Variants in PACS2 observed in about 807,000 individuals in gnomAD.
PACS2 encodes the protein PACS1-like protein.
A neutral mutation model predicts 113.0 loss-of-function variants in PACS2; 36 were observed. The ratio of observed to expected loss-of-function variants is 0.32; its 90% confidence interval spans 0.24 to 0.42. PACS2 has a LOEUF of 0.42. Among genes scored for constraint, PACS2 ranks in the 10% least tolerant of loss-of-function variants. The probability of loss-of-function intolerance (pLI) is 1.00; values close to 1 mark genes in which losing one functional copy is unlikely to be tolerated. For synonymous variants in PACS2, 589 were observed against 536.1 expected (o/e 1.10, Z -1.36); for missense variants, 1,015 against 1,239.5 (o/e 0.82, Z 2.72).
At chr14:105,353,416 A>G (rs1271478541) in intron 3 of PACS2, among the ~76,000 whole-genome samples, 25 of 119,810 alleles carry the variant, frequency 2.1e-4, no homozygotes, top group African/African-American at 8.2e-4. Context: ...GCCCCCCCTC[A>G]TCACTGTCCC....
chr14:105,380,887 A>C, intron 11 of PACS2, 70 bp from the exon 12 acceptor site: 1 of 1,471,340 alleles, frequency 6.8e-7, no homozygotes, highest in South Asian at 1.4e-5. Context: ...GCCAGAGGCC[A>C]CAGGGCTGGA....
Position 105,357,786 on chromosome 14 carries a change from G to A in PACS2, c.423+2609G>A, listed in dbSNP as rs1192560016. ...GGCTCCGAGACTGCACGCCTGAGAC[G>A]GGGGTGAGGGCATGGGTGCTGCCAT... On this transcript the variant is annotated intron_variant, in intron 4 of 24. Transcript: ENST00000447393. This position sits in a 1 kb window ranked among gnomAD's most constrained non-coding sequence, Gnocchi z 5.1. Among the ~76,000 whole-genome samples the A allele has an allele frequency of 3.9e-5, 6 of 152,320 alleles. No individual in the cohort carries two copies. The highest frequency in any genetic ancestry group is 4.2e-4 in the South Asian group (2 of 4,818).
chr14:105,368,041 C>A, intron 5 of PACS2, 33 bp from the exon 6 acceptor site: 1 of 1,469,302 alleles, frequency 6.8e-7, no homozygotes, highest in Non-Finnish European at 9.5e-7. Flanking sequence ...TGGAATCTCA[C>A]GGCACCCTCC....
In PACS2 at chr14:105,394,881, C is replaced by T; in HGVS notation, c.*209C>T. ...TCTGCTTATTAACCCGAACGTTCGG[C>T]CCGGGGCTGGGAAGCCAGAAGGACG... On this transcript the variant is annotated 3_prime_UTR_variant, in exon 25 of 25. Transcript: ENST00000447393. The T allele has an allele frequency of 1.8e-6, 1 of 545,654 alleles. No homozygotes were observed. Among genetic ancestry groups the T allele is most frequent in the Non-Finnish European group, 3.3e-6 (1 of 301,196 alleles). 33.8% of individuals were successfully genotyped at this position (545,654 alleles called of 1,614,324 possible).
At position 105,393,331 on chromosome 14, in the gene PACS2, G is replaced by A. The variant is rs1566974060; in HGVS notation, c.2592G>A (p.Leu864=). 1 of 1,606,918 alleles carries A rather than the reference G, an allele frequency of 6.2e-7. No homozygotes were observed. The highest frequency in any genetic ancestry group is 1.3e-5 in the African/African-American group (1 of 74,874). The change falls in exon 24 of 25, where the codon CTG becomes CTA. Residue 864 remains leucine (L), a synonymous_variant. Transcript: ENST00000447393. ...CTGCCAGGCAGCAGCAGAACATGCT[G>A]CGGGGTGAGCACCACCGGCCCCGGG... ...ICTARQQQNM[L]RVLIDGVECS... is the part of the protein sequence containing the mutation.
chr14:105,393,938 T>G (rs2081452580), intron 24 of PACS2, among the ~76,000 whole-genome samples: 2 of 148,576 alleles, frequency 1.3e-5, no homozygotes, highest in South Asian at 4.2e-4. Flanking sequence ...GCGCAGAGGC[T>G]GAGGCAGGAG....
rs960743889 is a variant in PACS2 at position 105,354,934 on chromosome 14, T to C, written c.298-118T>C. The stretch of plus-strand genomic sequence containing the variant: ...GGCCCGTCTGTGGGTGCCCTTCCGA[T>C]CTCATGGGCAGCAGGTTGGCCTGGT... On this transcript the variant is annotated intron_variant, in intron 3 of 24. Transcript: ENST00000447393. This position sits in a 1 kb window ranked among gnomAD's most constrained non-coding sequence, Gnocchi z 4.2. 1.5e-5 allele frequency: 15 copies of C among 993,100 alleles called. No individual in the cohort carries two copies. In the African/African-American group the frequency reaches 1.9e-4, roughly 13 times the overall value. 61.5% of individuals were successfully genotyped at this position (993,100 alleles called of 1,614,324 possible). A position where few individuals can be genotyped will look rare whatever the true frequency, so the allele number is the denominator to read the frequency against.
intron 8 of PACS2, chr14:105,371,987 T>A (rs1303674388): frequency 6.6e-6 from 1 of 152,198 alleles, no homozygotes; most frequent in Non-Finnish European, 1.5e-5. Context: ...CGGGCAGAGC[T>A]CTCGGGCCCT....
At position 105,365,398 on chromosome 14, in the gene PACS2, G is replaced by T. The variant is rs139095151; in HGVS notation, c.424-1815G>T. On this transcript the variant is annotated intron_variant, in intron 4 of 24. Transcript: ENST00000447393. The surrounding 1 kb of genome is among the most constrained non-coding windows in gnomAD (Gnocchi z 5.1). ...ATATCAAAATAGTGTTCACATATAG[G>T]TCGACCACAGGCTGAGTGGAGCGGG... 4.9e-4 allele frequency among the ~76,000 whole-genome samples: 75 copies of T among 152,246 alleles called. 1 individual carries two copies. The East Asian group carries it at 0.014, about 29-fold the overall frequency.
chr14:105,333,727 T>C (rs1386255964), intron 1 of PACS2, among the ~76,000 whole-genome samples: 1 of 152,144 alleles, frequency 6.6e-6, no homozygotes, highest in African/African-American at 2.4e-5. Context: ...AGCCCAAAGG[T>C]CCACACAGAC....
At position 105,368,547 on chromosome 14, in the gene PACS2, G is replaced by A; in HGVS notation, c.741+8G>A. On this transcript the variant is annotated splice_region_variant and intron_variant, in intron 7 of 24. Coordinates refer to ENST00000447393, the MANE Select transcript of PACS2 (RefSeq NM_001100913.3). Reference sequence around the variant, plus strand: ...ACGACGTCCATGACCAGGGTTGGTGGAGACTGCTTCTATGAATGCTGGGGA... The same window carrying A: ...ACGACGTCCATGACCAGGGTTGGTGAAGACTGCTTCTATGAATGCTGGGGA... 2 of 1,609,338 alleles carry A rather than the reference G, an allele frequency of 1.2e-6. No individual in the cohort carries two copies. The highest frequency in any genetic ancestry group is 1.7e-6 in the Non-Finnish European group (2 of 1,175,716).
In PACS2 at chr14:105,355,574, G is replaced by C. The variant is rs1268465005; in HGVS notation, c.423+397G>C. 6.6e-6 allele frequency among the ~76,000 whole-genome samples: 1 copy of C among 152,216 alleles called. No individual in the cohort carries two copies. The highest frequency in any genetic ancestry group is 1.5e-5 in the Non-Finnish European group (1 of 68,036). On this transcript the variant is annotated intron_variant, in intron 4 of 24. Coordinates refer to ENST00000447393, the MANE Select transcript of PACS2 (RefSeq NM_001100913.3). This position sits in a 1 kb window ranked among gnomAD's most constrained non-coding sequence, Gnocchi z 4.1. The stretch of plus-strand genomic sequence containing the variant: ...CTGCATCCTGCTCAGCACGTGCTCT[G>C]GCCCAGGATTGGCTGAGCAGGAGCA...
At chr14:105,392,295 G>A (rs963715301) in intron 22 of PACS2, 10 of 390,366 alleles carry the variant, frequency 2.6e-5, no homozygotes, top group African/African-American at 1.0e-4. Context: ...GTTTCCAGCC[G>A]CCGGCTCCTT....
rs1197920027 is a variant in PACS2 at position 105,394,669 on chromosome 14, C to A, written c.2712C>A (p.Phe904Leu). ...TCTTCGGACACTCCAAGGCCACCTT[C>A]TAGCCCCACCCACCAGGGGGCCCAC... The part of the protein sequence containing the change: ...ICIFGHSKAT[F>L] The change falls in exon 25 of 25, where the codon TTC becomes TTA. Residue 904 changes from phenylalanine to leucine, a missense_variant. Transcript: ENST00000447393. 1.2e-6 allele frequency: 2 copies of A among 1,604,742 alleles called. No individual in the cohort carries two copies. The highest frequency in any genetic ancestry group is 2.7e-5 in the African/African-American group (2 of 74,784).
At position 105,391,679 on chromosome 14, in the gene PACS2, C is replaced by T. The variant is rs1555414895; in HGVS notation, c.2168C>T (p.Thr723Ile). The change falls in exon 22 of 25, where the codon ACC becomes ATC. Residue 723 changes from threonine to isoleucine, a missense_variant. This residue lies in a region of PACS2 where 859 missense variants were observed against 1,056.8 expected (regional missense o/e 0.81). Coordinates refer to ENST00000447393, the MANE Select transcript of PACS2 (RefSeq NM_001100913.3). The part of the protein sequence containing the change: ...APSGSGTLSS[T>I]PPSASPAAKE... ...TCGGGCTCTGGCACGCTCTCCTCCA[C>T]CCCGCCGTCCGCATCTCCTGCGGCC... The T allele has an allele frequency of 6.2e-7, 1 of 1,609,168 alleles. No individual in the cohort carries two copies. The highest frequency in any genetic ancestry group is 8.5e-7 in the Non-Finnish European group (1 of 1,178,634).
chr14:105,377,179 G>A (rs782335475), intron 9 of PACS2, among the ~76,000 whole-genome samples: 13 of 152,276 alleles, frequency 8.5e-5, no homozygotes, highest in Non-Finnish European at 1.5e-4. Context: ...GGGGAGGACC[G>A]AGAGGGGTCC....
Position 105,384,457 on chromosome 14 carries a change from A to C in PACS2, c.1885A>C (p.Ser629Arg). The C allele has an allele frequency of 6.2e-7, 1 of 1,606,048 alleles. No homozygotes were observed. Among genetic ancestry groups the C allele is most frequent in the Non-Finnish European group, 8.5e-7 (1 of 1,174,828 alleles). Residue 629 changes from serine (S) to arginine (R), a missense_variant, in exon 17 of 25, where the codon AGT becomes CGT. Around this residue, in one of 3 missense-constraint regions of PACS2, gnomAD observed 859 missense variants for 1,056.8 expected, o/e 0.81. Coordinates refer to ENST00000447393, the MANE Select transcript of PACS2 (RefSeq NM_001100913.3). The part of the protein sequence containing the change: ...RDLFNKLEAQ[S>R]AVQDTPDIVS... ...CCTGTTCAACAAGCTGGAGGCCCAG[A>C]GTGCGGGTGAGGCCCGGGCGCGTCC...
chr14:105,374,945 G>A (rs1390983373), intron 8 of PACS2: 3 of 152,198 alleles, frequency 2.0e-5, no homozygotes, highest in Non-Finnish European at 4.4e-5. Context: ...GCGAGCCGCG[G>A]TTGACATCAC....
At chr14:105,305,026 G>C (rs779974322) in intron 1 of PACS2, among the ~76,000 whole-genome samples, 21 of 152,226 alleles carry the variant, frequency 1.4e-4, no homozygotes, top group Non-Finnish European at 2.4e-4. Context: ...CTTGCCCCAA[G>C]GCGATGGTTT....
Sources: allele counts gnomAD v4.1 joint callset (sites outside exome capture counted in the v4.1 genomes callset), GRCh38; gene constraint gnomAD v4.1.1; regional missense constraint gnomAD v4.1.1; non-coding constraint Gnocchi (gnomAD v3.1); transcripts MANE v1.5; gene names NCBI Gene and HGNC (gene_info 2026-07-23, HGNC 2026-07-21).